Variants in ZSCAN18 observed in about 807,000 individuals in gnomAD.
ZSCAN18 encodes the protein zinc finger and SCAN domain containing 18, also known as zinc finger and SCAN domain-containing protein 18.
In ZSCAN18, 16 loss-of-function variants were observed where a neutral mutation model predicts 31.1. The observed-to-expected ratio is 0.51, with a 90% CI of 0.35 to 0.78. The LOEUF is 0.78. Ranked by LOEUF, ZSCAN18 falls within the 30% of genes least tolerant of loss-of-function variation. ZSCAN18 has a pLI of 0.01. For synonymous variants in ZSCAN18, 375 were observed against 320.7 expected, an observed-to-expected ratio of 1.17 and a Z score of -1.81; for missense variants, 731 against 697.4, an observed-to-expected ratio of 1.05 and a Z score of -0.54.
upstream of ZSCAN18, among the ~76,000 whole-genome samples, chr19:58,100,928 A>G (rs907860494): frequency 6.6e-6 from 1 of 152,060 alleles, no homozygotes; most frequent in East Asian, 1.9e-4. Context: ...CAGATGGCCA[A>G]TTGTTCTTGC....
At position 58,084,882 on chromosome 19, in the gene ZSCAN18, A is replaced by C; in HGVS notation, c.1336T>G (p.Cys446Gly). The C allele has an allele frequency of 6.3e-7, 1 of 1,597,816 alleles. No individual in the cohort carries two copies. The highest frequency in any genetic ancestry group is 8.5e-7 in the Non-Finnish European group (1 of 1,173,924). ...GGRKRYACQG[C>G]WKTFHFSLAL... ...AGGCTGAAGTGGAAGGTCTTCCAGC[A>C]GCCCTGACAGGCGTAGCGCTTCCGG... Residue 446 changes from cysteine to glycine, a missense_variant, in exon 7 of 7, where the codon TGC (cysteine) becomes GGC (glycine). Cys to Gly is a radical substitution (Grantham distance 159). Around this residue, in one of 4 missense-constraint regions of ZSCAN18, gnomAD observed 597 missense variants for 499.5 expected, o/e 1.20. Transcript: ENST00000601144. This position sits in a 1 kb window ranked among gnomAD's most constrained non-coding sequence, Gnocchi z 4.5.
chr19:58,086,878 G>T (rs1022713313), intron 5 of ZSCAN18, 28 bp downstream of exon 5: 2 of 1,580,116 alleles, frequency 1.3e-6, no homozygotes, highest in Non-Finnish European at 1.7e-6. Flanking sequence ...GGGGAGTGGG[G>T]CGTGACCCCG....
intron 6 of ZSCAN18, chr19:58,085,629 G>GC (rs2074263252): frequency 1.9e-6 from 1 of 515,106 alleles, no homozygotes; most frequent in South Asian, 2.8e-5. Context: ...AGGAAGGACA[G>GC]CCCCACTGAG....
upstream of ZSCAN18, chr19:58,098,413 G>C (rs997879533): frequency 7.1e-6 from 7 of 981,254 alleles, no homozygotes; most frequent in Admixed American, 6.1e-5. Flanking sequence ...CGTCATTTTG[G>C]GCACCATGGC....
At chr19:58,114,041 G>A (rs950796859) in intron 1 of ZSCAN18, among the ~76,000 whole-genome samples, 1 of 152,056 alleles carries the variant, frequency 6.6e-6, no homozygotes, top group Non-Finnish European at 1.5e-5. Context: ...AGGCCAAGGT[G>A]GGCAGATCAC....
At chr19:58,110,060 T>C (rs2074668312) in intron 1 of ZSCAN18, among the ~76,000 whole-genome samples, 1 of 152,162 alleles carries the variant, frequency 6.6e-6, no homozygotes, top group African/African-American at 2.4e-5. Context: ...AAATTATTTT[T>C]TGTAGAGACA....
rs1214463973 is a variant in ZSCAN18, at chr19:58,085,183, A to T, written c.1035T>A (p.Ser345=). The change falls in exon 7 of 7, where the codon TCT becomes TCA. Residue 345 remains serine (S), a synonymous_variant. Transcript: ENST00000601144. ...PQDPQDAESD[S]ATGSQRQSVI... ...CGGACTGCCTCTGCGATCCGGTGGC[A>T]GAGTCGGACTCCGCGTCCTGGGGGT... 3.7e-6 allele frequency: 6 copies of T among 1,610,546 alleles called. No individual in the cohort carries two copies. The highest frequency in any genetic ancestry group is 5.1e-6 in the Non-Finnish European group (6 of 1,179,440).
At chr19:58,105,948 T>C (rs945417513) in intron 1 of ZSCAN18, among the ~76,000 whole-genome samples, 41 of 151,768 alleles carry the variant, frequency 2.7e-4, no homozygotes, top group African/African-American at 9.4e-4. Flanking sequence ...CACTGCACTC[T>C]AGCCGAGGCA....
upstream of ZSCAN18, among the ~76,000 whole-genome samples, chr19:58,102,289 T>C (rs573845850): frequency 1.1e-3 from 161 of 152,046 alleles, 1 homozygote; most frequent in Middle Eastern, 6.8e-3. Flanking sequence ...AAACCCTGTC[T>C]CTACCAAGAA....
chr19:58,092,587 A>AGTGGGGGGAATGTCCC (rs2074435936), intron 1 of ZSCAN18: 1 of 550,678 alleles, frequency 1.8e-6, no homozygotes. Flanking sequence ...AAAAAAAAAA[A>AGTGGGGGGAATGTCCC]AAAAAAAAGA....
rs1392822748 is a variant in ZSCAN18, at chr19:58,106,530, G to A, written c.130+11737C>T. ...ATCCCGGCTAAAACGGTGAAACCCC[G>A]TCTCTACTAAAAATACAAAAAAAAT... is the stretch of plus-strand genomic sequence containing the variant. On this transcript the variant is annotated intron_variant, in intron 1 of 1. Coordinates refer to the ZSCAN18 transcript ENST00000595721. Among the ~76,000 whole-genome samples, 3 of 40,370 alleles carry A rather than the reference G, an allele frequency of 7.4e-5. 1 individual carries two copies. The highest frequency in any genetic ancestry group is 1.2e-4 in the African/African-American group (2 of 16,042). 26.5% of individuals were successfully genotyped at this position (40,370 alleles called of 152,430 possible).
At position 58,084,825 on chromosome 19, in the gene ZSCAN18, T is replaced by C. The variant is rs1348512631; in HGVS notation, c.1393A>G (p.Lys465Glu). 16 of 1,594,534 alleles carry C rather than the reference T, an allele frequency of 1.0e-5. No individual in the cohort carries two copies. The highest frequency in any genetic ancestry group is 9.4e-5 in the African/African-American group (7 of 74,662). The change falls in exon 7 of 7, where the codon AAG becomes GAG. Residue 465 changes from lysine (K) to glutamate (E), a missense_variant. Physicochemically the swap from Lys to Glu is moderately conservative, Grantham distance 56. This residue lies in a region of ZSCAN18 where 597 missense variants were observed against 499.5 expected (regional missense o/e 1.20). Coordinates refer to ENST00000601144, the MANE Select transcript of ZSCAN18 (RefSeq NM_001145543.2). This position sits in a 1 kb window ranked among gnomAD's most constrained non-coding sequence, Gnocchi z 4.5. Reference protein sequence around the residue: ...ALAEHQKTHEKEKSYALGGAR... With the variant: ...ALAEHQKTHEEEKSYALGGAR... ...CCCCCCAGCGCGTAGCTTTTCTCCT[T>C]CTCGTGGGTCTTCTGGTGCTCGGCT... is the stretch of plus-strand genomic sequence containing the variant.
chr19:58,107,593 C>T lies in ZSCAN18; in HGVS notation c.130+10674G>A, dbSNP rs79575298. The T allele has an allele frequency of 1.3e-3, 1,149 of 870,542 alleles. 17 individuals carry two copies. In the African/African-American group the frequency reaches 0.017, roughly 13 times the overall value. 53.9% of individuals were successfully genotyped at this position (870,542 alleles called of 1,614,324 possible). On this transcript the variant is annotated intron_variant, in intron 1 of 1. Coordinates refer to the ZSCAN18 transcript ENST00000595721. ...AAAATAAAATATTGAGTGCACCATG[C>T]GGTAAACACATGTGCTGTCATCCAG...
intron 1 of ZSCAN18, among the ~76,000 whole-genome samples, chr19:58,096,760 G>T (rs543484648): frequency 6.6e-6 from 1 of 152,292 alleles, no homozygotes; most frequent in Admixed American, 6.5e-5. Context: ...ATGGGTCGCC[G>T]GATATTCCCA....
At chr19:58,100,894 T>C (rs1263973153), upstream of ZSCAN18, among the ~76,000 whole-genome samples, 2 of 151,612 alleles carry the variant, frequency 1.3e-5, no homozygotes, top group African/African-American at 2.4e-5. Flanking sequence ...AGAAAAAAGA[T>C]GAAATGTAGG....
At chr19:58,118,325 G>A (rs771082229) in exon 1 of ZSCAN18, 23 of 1,531,168 alleles carry the variant, frequency 1.5e-5, no homozygotes, top group Non-Finnish European at 1.9e-5. Context: ...AGACCCGAGA[G>A]GCCGCGAGAG....
At chr19:58,100,162 T>TA (rs1243898449), upstream of ZSCAN18, among the ~76,000 whole-genome samples, 4 of 151,904 alleles carry the variant, frequency 2.6e-5, no homozygotes, top group African/African-American at 9.7e-5. Flanking sequence ...ACTATAATGC[T>TA]AAGGCTGGTC....
chr19:58,107,409 A>G (rs141495265), intron 1 of ZSCAN18, among the ~76,000 whole-genome samples: 3 of 152,012 alleles, frequency 2.0e-5, no homozygotes, highest in African/African-American at 7.2e-5. Flanking sequence ...AAAATACAAA[A>G]CAATTAGTGT....
chr19:58,110,711 C>T (rs2074675513), intron 1 of ZSCAN18, among the ~76,000 whole-genome samples: 1 of 152,228 alleles, frequency 6.6e-6, no homozygotes, highest in Non-Finnish European at 1.5e-5. Flanking sequence ...CTTCCTCCAC[C>T]ACTGTGGTCC....
Sources: allele counts gnomAD v4.1 joint callset (sites outside exome capture counted in the v4.1 genomes callset), GRCh38; gene constraint gnomAD v4.1.1; regional missense constraint gnomAD v4.1.1; non-coding constraint Gnocchi (gnomAD v3.1); transcripts MANE v1.5; gene names NCBI Gene and HGNC (gene_info 2026-07-23, HGNC 2026-07-21).